Variants in MPHOSPH8 observed in about 807,000 individuals in gnomAD.
The protein encoded by MPHOSPH8 is M-phase phosphoprotein, mpp.
In MPHOSPH8, 45 loss-of-function variants were observed where a neutral mutation model predicts 87.3. The observed-to-expected ratio is 0.52, with a 90% confidence interval of 0.41 to 0.66. The LOEUF is 0.66. Among genes scored for constraint, MPHOSPH8 ranks in the 30% least tolerant of loss-of-function variants. The pLI is 0.00. For synonymous variants in MPHOSPH8, 366 were observed against 376.9 expected (o/e 0.97, Z 0.33); for missense variants, 883 against 1,020.2 (o/e 0.87, Z 1.83).
At chr13:19,668,640 C>G in intron 11 of MPHOSPH8, 109 bp downstream of exon 11, 1 of 1,233,142 alleles carries the variant, frequency 8.1e-7, no homozygotes. Flanking sequence ...AATTCCATTA[C>G]GTGTAATAAT....
intron 1 of MPHOSPH8, among the ~76,000 whole-genome samples, chr13:19,638,441 C>T (rs1189389358): frequency 2.0e-5 from 3 of 151,628 alleles, no homozygotes; most frequent in South Asian, 2.1e-4. Flanking sequence ...GGTGAAACCC[C>T]GTCTCTACTA....
Position 19,668,477 on chromosome 13 carries a change from G to A in MPHOSPH8, c.2275G>A (p.Gly759Ser). 6.2e-7 allele frequency: 1 copy of A among 1,614,064 alleles called. No individual in the cohort carries two copies. The highest frequency in any genetic ancestry group is 8.5e-7 in the Non-Finnish European group (1 of 1,180,020). ...AATCGCATGTCATCGACTCTGTGAGGGTCCAGATTTTTCAACAGATTTCAA... is the reference window on the plus strand; with the variant it reads ...AATCGCATGTCATCGACTCTGTGAGAGTCCAGATTTTTCAACAGATTTCAA... ...FPIACHRLCE[G>S]PDFSTDFNYK... The change falls in exon 11 of 14, where the codon GGT becomes AGT. Residue 759 changes from glycine (G) to serine (S), a missense_variant. Coordinates refer to ENST00000361479, the MANE Select transcript of MPHOSPH8 (RefSeq NM_017520.4).
At chr13:19,649,969 CATACTT>C (rs1874755315) in intron 4 of MPHOSPH8, 28 bp from the exon 5 acceptor site, 2 of 1,483,114 alleles carry the variant, frequency 1.3e-6, no homozygotes, top group African/African-American at 1.4e-5. Context: ...ATTTGTGACT[CATACTT>C]AACCATCTAT....
intron 1 of MPHOSPH8, 43 bp from the exon 2 acceptor site, chr13:19,642,071 GT>G: frequency 1.2e-5 from 7 of 587,318 alleles, no homozygotes; most frequent in Non-Finnish European, 1.5e-5. Context: ...ATTTAATCAA[GT>G]TAGCAATCTG....
chr13:19,666,685 C>T, intron 10 of MPHOSPH8, 106 bp downstream of exon 10: 2 of 969,338 alleles, frequency 2.1e-6, no homozygotes, highest in Non-Finnish European at 2.9e-6. Flanking sequence ...AGAAAAACAT[C>T]CAGCACAAGT....
At chr13:19,638,117 T>C (rs1874099194) in intron 1 of MPHOSPH8, among the ~76,000 whole-genome samples, 1 of 150,956 alleles carries the variant, frequency 6.6e-6, no homozygotes, top group Non-Finnish European at 1.5e-5. Flanking sequence ...AAAAAAAAGT[T>C]GTATACAATA....
chr13:19,641,480 CTTTTTTTTTTTT>C (rs869295535), intron 1 of MPHOSPH8, among the ~76,000 whole-genome samples: 5 of 72,258 alleles, frequency 6.9e-5, no homozygotes, highest in Non-Finnish European at 9.7e-5. Context: ...GTGCCACCAT[CTTTTTTTTTTTT>C]TTTTTTTTTT....
At chr13:19,668,238 AAGTAG>A (rs1875923771) in intron 10 of MPHOSPH8, 134 bp from the exon 11 acceptor site, 1 of 675,110 alleles carries the variant, frequency 1.5e-6, no homozygotes, top group African/African-American at 1.8e-5. Context: ...TGCTTGGTGG[AAGTAG>A]AGCTGGAAAG....
Position 19,671,202 on chromosome 13 carries a change from G to C in MPHOSPH8, c.2458-4G>C. 1 of 1,612,594 alleles carries C rather than the reference G, an allele frequency of 6.2e-7. No homozygotes were observed. The highest frequency in any genetic ancestry group is 8.5e-7 in the Non-Finnish European group (1 of 1,179,652). ...CTGACTTTTTTTTTCTCTTTCCATT[G>C]TAGGACAGTCATTTTGTTTACTCAT... is the stretch of plus-strand genomic sequence containing the variant. On this transcript the variant is annotated splice_region_variant and splice_polypyrimidine_tract_variant and intron_variant, in intron 12 of 13. Coordinates refer to ENST00000361479, the MANE Select transcript of MPHOSPH8 (RefSeq NM_017520.4).
At chr13:19,660,917 C>T in intron 7 of MPHOSPH8, 1 of 985,046 alleles carries the variant, frequency 1.0e-6, no homozygotes, top group Non-Finnish European at 1.2e-6. Context: ...TTGTATGGTG[C>T]AAACTTTTCA....
chr13:19,639,405 G>A (rs578030061), intron 1 of MPHOSPH8, among the ~76,000 whole-genome samples: 1 of 152,000 alleles, frequency 6.6e-6, no homozygotes, highest in Non-Finnish European at 1.5e-5. Context: ...CCGCCTCCTG[G>A]GTTCAAGCGA....
chr13:19,662,396 A>C (rs1875591982), intron 8 of MPHOSPH8, among the ~76,000 whole-genome samples: 1 of 152,150 alleles, frequency 6.6e-6, no homozygotes, highest in Non-Finnish European at 1.5e-5. Context: ...AGTAGCTGGG[A>C]CTAAGTGTGT....
chr13:19,671,181 CTTTT>C (rs746456659), intron 12 of MPHOSPH8, 21 bp from the exon 13 acceptor site: 1 of 1,602,558 alleles, frequency 6.2e-7, no homozygotes, highest in Non-Finnish European at 8.5e-7. Flanking sequence ...AAAACACTGA[CTTTT>C]TTTTTCTCTT....
At position 19,672,951 on chromosome 13, in the gene MPHOSPH8, G is replaced by A; in HGVS notation, c.*1076G>A. 2.6e-6 allele frequency: 1 copy of A among 386,064 alleles called. No homozygotes were observed. The highest frequency in any genetic ancestry group is 5.0e-6 in the Non-Finnish European group (1 of 200,536). 23.9% of individuals were successfully genotyped at this position (386,064 alleles called of 1,614,324 possible). A position where few individuals can be genotyped will look rare whatever the true frequency, so the allele number is the denominator to read the frequency against. On this transcript the variant is annotated 3_prime_UTR_variant, in exon 14 of 14. Coordinates refer to ENST00000361479, the MANE Select transcript of MPHOSPH8 (RefSeq NM_017520.4). Reference sequence around the variant, plus strand: ...CAAGCCTGTAGTCCCAGATACTCAGGAGGCTGAGGTGAAAGGATTGCTTGA... The same window carrying A: ...CAAGCCTGTAGTCCCAGATACTCAGAAGGCTGAGGTGAAAGGATTGCTTGA...
At chr13:19,639,047 C>T (rs558066902) in intron 1 of MPHOSPH8, among the ~76,000 whole-genome samples, 1 of 148,080 alleles carries the variant, frequency 6.8e-6, no homozygotes, top group African/African-American at 2.5e-5. Context: ...TGTGCCACTG[C>T]ACTCCAGCCT....
intron 13 of MPHOSPH8, 85 bp downstream of exon 13, chr13:19,671,374 G>A (rs891439677): frequency 8.1e-7 from 1 of 1,232,856 alleles, no homozygotes; most frequent in Non-Finnish European, 1.2e-6. Flanking sequence ...AAAATTCCAA[G>A]AATCCTGGTG....
chr13:19,639,611 C>A (rs550584807), intron 1 of MPHOSPH8, among the ~76,000 whole-genome samples: 1 of 152,008 alleles, frequency 6.6e-6, no homozygotes, highest in Admixed American at 6.5e-5. Context: ...ACCTGGCCTA[C>A]CCTCTGGAAT....
chr13:19,659,532 T>A (rs1875392609), intron 7 of MPHOSPH8: 4 of 433,478 alleles, frequency 9.2e-6, no homozygotes, highest in South Asian at 8.9e-5. Context: ...GACATGGTGG[T>A]GTACACCTTT....
Position 19,666,463 on chromosome 13 carries a change from A to T in MPHOSPH8, c.2058A>T (p.Val686=). ...GAAATTCAGACATCGTACGACTCGTAATTGAATGTGGAGCTGACTGCAATA... is the reference window on the plus strand; with the variant it reads ...GAAATTCAGACATCGTACGACTCGTTATTGAATGTGGAGCTGACTGCAATA... ...KRGNSDIVRL[V]IECGADCNIL... is the part of the protein sequence containing the mutation. The change falls in exon 10 of 14, where the codon GTA becomes GTT. Residue 686 remains valine (V), a synonymous_variant. Transcript: ENST00000361479. The T allele has an allele frequency of 6.8e-6, 11 of 1,611,266 alleles. No individual in the cohort carries two copies. Among genetic ancestry groups the T allele is most frequent in the Non-Finnish European group, 9.3e-6 (11 of 1,177,618 alleles).
Sources: gnomAD v4.1 joint callset for allele counts (sites outside exome capture counted in the v4.1 genomes callset) on GRCh38, gnomAD v4.1.1 for gene constraint, MANE v1.5 for transcripts, NCBI Gene and HGNC (gene_info 2026-07-23, HGNC 2026-07-21) for gene names.